SCFD2: variants seen among roughly 807,000 people sequenced by gnomAD.
SCFD2 encodes the protein sec1 family domain containing 2.
A neutral mutation model predicts 58.9 loss-of-function variants in SCFD2; 54 were observed. That is an observed-to-expected ratio of 0.92 (90% CI 0.74 to 1.15). SCFD2 has a LOEUF of 1.15. Among genes scored for constraint, SCFD2 ranks in the 50% most tolerant of loss-of-function variants. SCFD2 has a pLI of 0.00. For synonymous variants in SCFD2, 321 were observed against 335.9 expected (o/e 0.96, Z 0.49); for missense variants, 805 against 836.6 (o/e 0.96, Z 0.47).
At position 53,295,159 on chromosome 4, in the gene SCFD2, T is replaced by A. The variant is rs574372448; in HGVS notation, c.1135+18477A>T. 2.6e-5 allele frequency among the ~76,000 whole-genome samples: 4 copies of A among 152,332 alleles called. No homozygotes were observed. The East Asian group carries it at 7.7e-4, about 29-fold the overall frequency. On this transcript the variant is annotated intron_variant, in intron 3 of 8. Transcript: ENST00000401642. ...TTCCATATAAAATTTAAATTAGTTT[T>A]TTTTCCAATTCTGTGAAGAAAGTCA... is the stretch of plus-strand genomic sequence containing the variant.
At chr4:53,039,682 G>A (rs1408576170) in intron 5 of SCFD2, among the ~76,000 whole-genome samples, 1 of 152,102 alleles carries the variant, frequency 6.6e-6, no homozygotes, top group Non-Finnish European at 1.5e-5. Flanking sequence ...CCAGGTAAGG[G>A]TGCCTCCTGT....
chr4:53,054,252 T>C (rs1051251602), intron 5 of SCFD2, among the ~76,000 whole-genome samples: 7 of 152,232 alleles, frequency 4.6e-5, no homozygotes, highest in African/African-American at 1.4e-4. Flanking sequence ...AATGACAGGA[T>C]TTCATTCTCT....
intron 3 of SCFD2, among the ~76,000 whole-genome samples, chr4:53,307,357 G>A (rs1449590109): frequency 6.6e-6 from 1 of 152,164 alleles, no homozygotes; most frequent in African/African-American, 2.4e-5. Flanking sequence ...TTTTAAGCGG[G>A]GGCATGGCAT....
intron 5 of SCFD2, among the ~76,000 whole-genome samples, chr4:53,018,315 T>C (rs1436357111): frequency 6.6e-6 from 1 of 152,118 alleles, no homozygotes; most frequent in African/African-American, 2.4e-5. Context: ...TATTCACAGA[T>C]TACTAAAATG....
chr4:52,995,692 C>T (rs1286651201), intron 5 of SCFD2, among the ~76,000 whole-genome samples: 1 of 152,188 alleles, frequency 6.6e-6, no homozygotes, highest in Non-Finnish European at 1.5e-5. Context: ...AAAACCTTTC[C>T]TGACACCATC....
At chr4:53,201,074 G>A (rs1728218295) in intron 4 of SCFD2, among the ~76,000 whole-genome samples, 1 of 151,838 alleles carries the variant, frequency 6.6e-6, no homozygotes, top group Non-Finnish European at 1.5e-5. Context: ...TACATAGCGT[G>A]CAGGTTTCTT....
intron 3 of SCFD2, among the ~76,000 whole-genome samples, chr4:53,283,048 G>C (rs1247230490): frequency 1.3e-5 from 2 of 152,102 alleles, no homozygotes; most frequent in African/African-American, 4.8e-5. Context: ...CCTACATAAA[G>C]CACATGAATC....
chr4:53,228,639 T>G (rs1008400037), intron 4 of SCFD2, among the ~76,000 whole-genome samples: 1 of 152,074 alleles, frequency 6.6e-6, no homozygotes, highest in Non-Finnish European at 1.5e-5. Context: ...TAAGAGCTAT[T>G]TATGACAAAC....
chr4:52,929,317 A>C (rs1398955888), intron 5 of SCFD2, among the ~76,000 whole-genome samples: 2 of 152,190 alleles, frequency 1.3e-5, no homozygotes, highest in Admixed American at 1.3e-4. Flanking sequence ...AGATCATGTA[A>C]TTTTTATATG....
chr4:53,362,774 T>G (rs562707843), intron 1 of SCFD2, among the ~76,000 whole-genome samples: 13 of 150,562 alleles, frequency 8.6e-5, no homozygotes, highest in African/African-American at 3.2e-4. Context: ...AAGGAAAAAA[T>G]GATGATCTAA....
At chr4:53,289,362 G>A (rs1174016778) in intron 3 of SCFD2, among the ~76,000 whole-genome samples, 1 of 152,086 alleles carries the variant, frequency 6.6e-6, no homozygotes, top group Non-Finnish European at 1.5e-5. Context: ...GTGAAACTCA[G>A]TCTCAAAAAC....
At chr4:53,204,697 G>A (rs1243977779) in intron 4 of SCFD2, among the ~76,000 whole-genome samples, 1 of 145,256 alleles carries the variant, frequency 6.9e-6, no homozygotes, top group Non-Finnish European at 1.5e-5. Flanking sequence ...ATTCCATACT[G>A]AAAGAGTACC....
chr4:52,979,065 T>TGGC (rs1553912520), intron 5 of SCFD2, among the ~76,000 whole-genome samples: 2 of 146,892 alleles, frequency 1.4e-5, no homozygotes, highest in Non-Finnish European at 3.0e-5. Context: ...GGCCTTTTTT[T>TGGC]GGGGGGGGGA....
intron 5 of SCFD2, among the ~76,000 whole-genome samples, chr4:53,118,667 C>T (rs1725390803): frequency 6.6e-6 from 1 of 152,074 alleles, no homozygotes; most frequent in East Asian, 1.9e-4. Flanking sequence ...GAGGGCGGGA[C>T]ACAAATGACT....
At chr4:53,161,549 G>A (rs994933099) in intron 4 of SCFD2, among the ~76,000 whole-genome samples, 7 of 152,182 alleles carry the variant, frequency 4.6e-5, no homozygotes, top group Non-Finnish European at 1.5e-5. Context: ...ACATGCATAT[G>A]TTTTAAGGGA....
intron 3 of SCFD2, among the ~76,000 whole-genome samples, chr4:53,292,895 G>A (rs1439996928): frequency 6.6e-6 from 1 of 152,042 alleles, no homozygotes; most frequent in Non-Finnish European, 1.5e-5. Context: ...AGGAGGGAGA[G>A]CGTTAGGACA....
intron 5 of SCFD2, among the ~76,000 whole-genome samples, chr4:53,030,853 C>T (rs3912335): frequency 0.74 from 113,149 of 152,198 alleles, 46,492 homozygotes; most frequent in Non-Finnish European, 0.9. Flanking sequence ...TTTATAATGG[C>T]ATTATTGATA....
intron 5 of SCFD2, among the ~76,000 whole-genome samples, chr4:53,010,263 AC>A (rs1468481742): frequency 1.6e-4 from 25 of 152,252 alleles, no homozygotes; most frequent in African/African-American, 5.8e-4. Context: ...CTTCGCAATT[AC>A]TCTACATTTA....
chr4:53,218,127 T>C (rs1233114611), intron 4 of SCFD2, among the ~76,000 whole-genome samples: 1 of 152,134 alleles, frequency 6.6e-6, no homozygotes, highest in Non-Finnish European at 1.5e-5. Flanking sequence ...TGTCTTGGAG[T>C]TGCTCTTCTC....
Sources: gnomAD v4.1 joint callset for allele counts (sites outside exome capture counted in the v4.1 genomes callset) on GRCh38, gnomAD v4.1.1 for gene constraint, MANE v1.5 for transcripts, NCBI Gene and HGNC (gene_info 2026-07-23, HGNC 2026-07-21) for gene names.